Variants in MROH9 observed in about 807,000 individuals in gnomAD.
The protein encoded by MROH9 is maestro heat like repeat family member 9.
In MROH9, 92 loss-of-function variants were observed where a neutral mutation model predicts 98.2. That is an observed-to-expected ratio of 0.94 (90% CI 0.79 to 1.11). The LOEUF (loss-of-function observed/expected upper bound fraction) is 1.11, where lower values mean the gene tolerates loss of function less well. Among genes scored for constraint, MROH9 ranks in the 50% most tolerant of loss-of-function variants. The pLI, the probability that MROH9 is intolerant of heterozygous loss-of-function variation, is 0.00. For missense variants in MROH9, 1,057 were observed against 1,014.8 expected (o/e 1.04, Z -0.57); for synonymous variants, 397 against 368.9 (o/e 1.08, Z -0.87).
At chr1:171,025,535 C>A in intron 20 of MROH9, 115 bp downstream of exon 20, 1 of 657,312 alleles carries the variant, frequency 1.5e-6, no homozygotes, top group Non-Finnish European at 2.6e-6. Flanking sequence ...GGGACAGCAC[C>A]TGTGATGGTG....
intron 20 of MROH9, among the ~76,000 whole-genome samples, chr1:171,038,563 C>A (rs1420785226): frequency 1.3e-5 from 2 of 152,134 alleles, no homozygotes; most frequent in Non-Finnish European, 2.9e-5. Flanking sequence ...ATATTTATTG[C>A]ATCATTGTAC....
At chr1:170,996,223 C>A (rs1651561269) in intron 13 of MROH9, among the ~76,000 whole-genome samples, 1 of 152,118 alleles carries the variant, frequency 6.6e-6, no homozygotes, top group Admixed American at 6.6e-5. Flanking sequence ...CGTCATTGAA[C>A]ATCTCTTTCA....
intron 17 of MROH9, among the ~76,000 whole-genome samples, chr1:171,019,945 C>A (rs1652460513): frequency 6.6e-6 from 1 of 151,984 alleles, no homozygotes; most frequent in Non-Finnish European, 1.5e-5. Flanking sequence ...TCACCACTGA[C>A]CCCCCAGCAC....
chr1:170,992,386 T>A, intron 12 of MROH9, 57 bp downstream of exon 12: 1 of 1,541,516 alleles, frequency 6.5e-7, no homozygotes, highest in Non-Finnish European at 8.8e-7. Flanking sequence ...ATTGTGAAAA[T>A]CCCTATCTGC....
In MROH9 at chr1:170,971,856, C is replaced by T. The variant is rs1650470415; in HGVS notation, c.589C>T (p.Leu197Phe). 6.2e-7 allele frequency: 1 copy of T among 1,614,016 alleles called. No individual in the cohort carries two copies. The highest frequency in any genetic ancestry group is 1.1e-5 in the South Asian group (1 of 91,076). The change falls in exon 8 of 22, where the codon CTC (leucine) becomes TTC (phenylalanine). Residue 197 changes from leucine to phenylalanine, a missense_variant. Leu to Phe is a conservative substitution (Grantham distance 22). Transcript: ENST00000367759. The part of the protein sequence containing the change: ...VKQASLGMCH[L>F]LYIARCQNDI... ...ACAAGCATCATTGGGAATGTGTCAC[C>T]TCCTCTACATTGCACGGTGTCAGAA...
At chr1:170,957,480 T>C (rs1307147194) in intron 3 of MROH9, among the ~76,000 whole-genome samples, 1 of 152,182 alleles carries the variant, frequency 6.6e-6, no homozygotes, top group Non-Finnish European at 1.5e-5. Context: ...TACTTGACCA[T>C]ATATTAATAG....
chr1:171,035,998 A>G (rs1332069630), intron 20 of MROH9, among the ~76,000 whole-genome samples: 3 of 152,178 alleles, frequency 2.0e-5, no homozygotes, highest in African/African-American at 7.2e-5. Flanking sequence ...CAATCCTCCA[A>G]ATCAACAGTT....
Position 170,996,657 on chromosome 1 carries a change from G to A in MROH9, c.1475+13G>A, listed in dbSNP as rs1651585770. The A allele has an allele frequency of 6.2e-7, 1 of 1,612,652 alleles. No homozygotes were observed. Among genetic ancestry groups the A allele is most frequent in the African/African-American group, 1.3e-5 (1 of 74,826 alleles). Reference sequence around the variant, plus strand: ...GCTTTATTGCTAAGTAAGAACAGGGGTCTCTGTGTAGGATTCTTGGTCTCT... The same window carrying A: ...GCTTTATTGCTAAGTAAGAACAGGGATCTCTGTGTAGGATTCTTGGTCTCT... On this transcript the variant is annotated intron_variant, in intron 14 of 21. Transcript: ENST00000367759.
chr1:171,058,792 A>G (rs1409760938), intron 20 of MROH9, among the ~76,000 whole-genome samples: 2 of 152,248 alleles, frequency 1.3e-5, no homozygotes, highest in Non-Finnish European at 2.9e-5. Context: ...GGCTAGCCAT[A>G]TGCAGAAAAC....
At chr1:171,016,846 T>A (rs1480716211) in intron 17 of MROH9, among the ~76,000 whole-genome samples, 1 of 152,232 alleles carries the variant, frequency 6.6e-6, no homozygotes, top group African/African-American at 2.4e-5. Context: ...AAAGTTGTTC[T>A]TTCTGAAAAT....
intron 17 of MROH9, among the ~76,000 whole-genome samples, chr1:171,021,632 C>CCCCAAACCA (rs113224075): frequency 0.065 from 9,913 of 152,058 alleles, 990 homozygotes; most frequent in African/African-American, 0.22. Flanking sequence ...AAATGTAAGA[C>CCCCAAACCA]CCCAAACCAT....
At chr1:170,973,357 C>T (rs555230578) in intron 8 of MROH9, among the ~76,000 whole-genome samples, 27 of 151,964 alleles carry the variant, frequency 1.8e-4, no homozygotes, top group African/African-American at 4.6e-4. Context: ...TCACAAGTAC[C>T]GAGGTACAGT....
chr1:170,970,477 T>C (rs1025510051), intron 7 of MROH9, among the ~76,000 whole-genome samples: 1 of 151,992 alleles, frequency 6.6e-6, no homozygotes, highest in South Asian at 2.1e-4. Context: ...GCAGAGGCTG[T>C]CTGCTCCCAG....
At chr1:171,056,228 A>G (rs1489767266) in intron 20 of MROH9, among the ~76,000 whole-genome samples, 1 of 152,152 alleles carries the variant, frequency 6.6e-6, no homozygotes, top group African/African-American at 2.4e-5. Context: ...ACAACTGCCT[A>G]ACATGTTAAG....
intron 6 of MROH9, among the ~76,000 whole-genome samples, chr1:170,963,060 G>T (rs771550959): frequency 9.9e-5 from 15 of 151,858 alleles, no homozygotes; most frequent in Non-Finnish European, 1.6e-4. Flanking sequence ...CCTACAGATT[G>T]GGAGAAAATT....
At chr1:171,038,469 T>C (rs768540205) in intron 20 of MROH9, among the ~76,000 whole-genome samples, 21 of 152,294 alleles carry the variant, frequency 1.4e-4, no homozygotes, top group Admixed American at 3.3e-4. Context: ...GTGAAATGCA[T>C]ATTCTTTTGA....
chr1:171,022,733 T>C (rs571457200), intron 17 of MROH9, among the ~76,000 whole-genome samples: 1 of 152,178 alleles, frequency 6.6e-6, no homozygotes, highest in South Asian at 2.1e-4. Context: ...ACCTAAACTT[T>C]CTGCACTTGT....
intron 17 of MROH9, among the ~76,000 whole-genome samples, chr1:171,016,690 G>A (rs1652338486): frequency 1.3e-5 from 2 of 152,036 alleles, no homozygotes; most frequent in Admixed American, 1.3e-4. Flanking sequence ...GTCTTTTGGT[G>A]TATCACTTTT....
intron 20 of MROH9, among the ~76,000 whole-genome samples, chr1:171,051,149 A>G (rs1381218479): frequency 2.0e-5 from 3 of 152,208 alleles, no homozygotes; most frequent in Admixed American, 6.5e-5. Context: ...GGGAATGTGA[A>G]TTAGTTCAAA....
Sources: gnomAD v4.1 joint callset for allele counts (sites outside exome capture counted in the v4.1 genomes callset) on GRCh38, gnomAD v4.1.1 for gene constraint, MANE v1.5 for transcripts, NCBI Gene and HGNC (gene_info 2026-07-23, HGNC 2026-07-21) for gene names.